The following FAM107A variants were observed in gnomAD, a reference collection of about 807,000 sequenced individuals.
FAM107A encodes the protein actin-associated protein FAM107A.
FAM107A carries 19 observed loss-of-function variants against 13.7 expected under a neutral mutation model. That is an observed-to-expected ratio of 1.38 (90% CI 0.97 to 2.03). The LOEUF is 2.03. FAM107A is among the 30% of genes most tolerant of loss of function. FAM107A has a pLI of 0.00. For synonymous variants in FAM107A, 82 were observed against 74.5 expected, an observed-to-expected ratio of 1.10 and a Z score of -0.52; for missense variants, 203 against 184.4, an observed-to-expected ratio of 1.10 and a Z score of -0.58.
At chr3:58,568,491 A>C (rs1321454014) in intron 2 of FAM107A, among the ~76,000 whole-genome samples, 1 of 152,004 alleles carries the variant, frequency 6.6e-6, no homozygotes, top group East Asian at 1.9e-4. Flanking sequence ...TTTTTTGTAT[A>C]TGTGAGTTTT....
At chr3:58,589,383 A>C, upstream of FAM107A, 1 of 689,474 alleles carries the variant, frequency 1.5e-6, no homozygotes. Flanking sequence ...GACTGGTCAG[A>C]GTCAAAGTCC....
At chr3:58,586,878 C>T in exon 1 of FAM107A, 1 of 1,533,286 alleles carries the variant, frequency 6.5e-7, no homozygotes, top group Non-Finnish European at 8.7e-7. Context: ...CAGCACAGCC[C>T]GGTAGAGCCC....
At position 58,567,880 on chromosome 3, in the gene FAM107A, A is replaced by G. The variant is rs2063638653; in HGVS notation, c.171-516T>C. Among the ~76,000 whole-genome samples the G allele has an allele frequency of 2.6e-5, 4 of 152,142 alleles. No homozygotes were observed. The South Asian group carries it at 8.3e-4, about 32-fold the overall frequency. On this transcript the variant is annotated intron_variant, in intron 2 of 3. Transcript: ENST00000360997. ...TTTGTTTCTTTATTAGTCACATGGAACAACATTTGATATGTTTACCAGCCA... is the reference window on the plus strand; with the variant it reads ...TTTGTTTCTTTATTAGTCACATGGAGCAACATTTGATATGTTTACCAGCCA...
intron 1 of FAM107A, among the ~76,000 whole-genome samples, chr3:58,575,565 C>A (rs976592534): frequency 6.6e-6 from 1 of 152,142 alleles, no homozygotes; most frequent in African/African-American, 2.4e-5. Context: ...GGACCTTGGA[C>A]GCCAAATTCA....
Position 58,566,657 on chromosome 3 carries a change from G to C in FAM107A, c.366C>G (p.Pro122=), listed in dbSNP as rs551598292. The part of the protein sequence containing the change: ...KPPEKEEDHA[P]EFIKVRENLR... Reference sequence around the variant, plus strand: ...GGTTTTCCCTGACTTTAATAAACTCGGGGGCGTGATCCTCTTCCTTCTCTG... The same window carrying C: ...GGTTTTCCCTGACTTTAATAAACTCCGGGGCGTGATCCTCTTCCTTCTCTG... Residue 122 remains proline (P), a synonymous_variant, in exon 4 of 4, where the codon CCC becomes CCG. Coordinates refer to ENST00000360997, the MANE Select transcript of FAM107A (RefSeq NM_001076778.3). 1 of 1,613,988 alleles carries C rather than the reference G, an allele frequency of 6.2e-7. No individual in the cohort carries two copies. Among genetic ancestry groups the C allele is most frequent in the African/African-American group, 1.3e-5 (1 of 75,020 alleles).
At chr3:58,625,813 A>G (rs936045592) in intron 1 of FAM107A, among the ~76,000 whole-genome samples, 7 of 152,232 alleles carry the variant, frequency 4.6e-5, no homozygotes, top group African/African-American at 1.4e-4. Context: ...CAACAATAGC[A>G]GTACCCTGCT....
At chr3:58,601,520 T>C (rs1019235763) in intron 1 of FAM107A, among the ~76,000 whole-genome samples, 1 of 152,224 alleles carries the variant, frequency 6.6e-6, no homozygotes, top group African/African-American at 2.4e-5. Flanking sequence ...AGGTCATTGG[T>C]AACTTATTTT....
intron 1 of FAM107A, among the ~76,000 whole-genome samples, chr3:58,626,077 G>T (rs34708080): frequency 4.6e-5 from 7 of 152,164 alleles, no homozygotes; most frequent in African/African-American, 7.2e-5. Flanking sequence ...CGCCACGGTA[G>T]GTGGGTGGTG....
chr3:58,566,902 G>C, intron 3 of FAM107A: 1 of 608,086 alleles, frequency 1.6e-6, no homozygotes, highest in African/African-American at 1.8e-5. Flanking sequence ...CACCCCCTCT[G>C]GGCCTCAGCT....
chr3:58,610,543 T>A (rs779437247), intron 1 of FAM107A, among the ~76,000 whole-genome samples: 1 of 152,220 alleles, frequency 6.6e-6, no homozygotes, highest in African/African-American at 2.4e-5. Flanking sequence ...CCCTCTTAAC[T>A]TCTCCATGCC....
upstream of FAM107A, among the ~76,000 whole-genome samples, chr3:58,587,921 A>G (rs1271899064): frequency 6.6e-6 from 1 of 152,214 alleles, no homozygotes; most frequent in Non-Finnish European, 1.5e-5. Flanking sequence ...AACATTGCAA[A>G]TAAGAAAAAA....
upstream of FAM107A, chr3:58,589,373 GA>G: frequency 1.3e-6 from 1 of 750,696 alleles, no homozygotes; most frequent in South Asian, 1.6e-5. Flanking sequence ...CCACTGAAGG[GA>G]CTGGTCAGAG....
chr3:58,579,849 G>A (rs538303493), upstream of FAM107A, among the ~76,000 whole-genome samples: 1 of 152,196 alleles, frequency 6.6e-6, no homozygotes, highest in Non-Finnish European at 1.5e-5. Context: ...GGGAGTCACT[G>A]TGCTTCTCCC....
intron 2 of FAM107A, among the ~76,000 whole-genome samples, chr3:58,568,198 G>T (rs1423418313): frequency 6.6e-6 from 1 of 152,050 alleles, no homozygotes; most frequent in African/African-American, 2.4e-5. Context: ...ACTTTGGGAG[G>T]CCGAGGAGGG....
chr3:58,598,758 C>T (rs557177290), intron 1 of FAM107A, among the ~76,000 whole-genome samples: 8 of 152,208 alleles, frequency 5.3e-5, no homozygotes, highest in Non-Finnish European at 8.8e-5. Context: ...TGAGTTTTGT[C>T]GTTTTTCTGC....
Position 58,567,344 on chromosome 3 carries a change from T to G in FAM107A, c.191A>C (p.Lys64Thr). 6.2e-7 allele frequency: 1 copy of G among 1,611,578 alleles called. No homozygotes were observed. The highest frequency in any genetic ancestry group is 8.5e-7 in the Non-Finnish European group (1 of 1,179,280). Residue 64 changes from lysine to threonine, a missense_variant, in exon 3 of 4, where the codon AAG becomes ACG. Physicochemically the swap from Lys to Thr is moderately conservative, Grantham distance 78. Coordinates refer to ENST00000360997, the MANE Select transcript of FAM107A (RefSeq NM_001076778.3). Reference sequence around the variant, plus strand: ...CTCTAGGACACGCTGCAGCTCTGGCTTGCTGTCCACACCAAGGCCCCTGGG... The same window carrying G: ...CTCTAGGACACGCTGCAGCTCTGGCGTGCTGTCCACACCAAGGCCCCTGGG... ...NHRRGLGVDSKPELQRVLEHR... is the reference protein window; with the variant it reads ...NHRRGLGVDSTPELQRVLEHR...
intron 1 of FAM107A, among the ~76,000 whole-genome samples, chr3:58,626,062 G>A (rs1293755207): frequency 6.6e-6 from 1 of 152,288 alleles, no homozygotes; most frequent in Non-Finnish European, 1.5e-5. Context: ...AGGGGTTCAG[G>A]TCATCGCCAC....
intron 1 of FAM107A, among the ~76,000 whole-genome samples, chr3:58,599,696 A>ATTTTGTTTT (rs2065736408): frequency 1.3e-5 from 1 of 78,570 alleles, no homozygotes; most frequent in Non-Finnish European, 2.7e-5. Flanking sequence ...CAAGTGCACC[A>ATTTTGTTTT]TTTTTTTTTT....
rs1483928686 is a variant in FAM107A at position 58,566,564 on chromosome 3, G to T, written c.*24C>A. The T allele has an allele frequency of 1.9e-6, 3 of 1,566,158 alleles. No individual in the cohort carries two copies. Among genetic ancestry groups the T allele is most frequent in the Non-Finnish European group, 2.6e-6 (3 of 1,137,516 alleles). ...GAGGCTGTCCAGGCCAGGGTGGGCA[G>T]TGGCCTGAGCCCGGCAGCTGGCCCT... is the stretch of plus-strand genomic sequence containing the variant. On this transcript the variant is annotated 3_prime_UTR_variant, in exon 4 of 4. Transcript: ENST00000360997.
Sources: gnomAD v4.1 joint callset for allele counts (sites outside exome capture counted in the v4.1 genomes callset) on GRCh38, gnomAD v4.1.1 for gene constraint, MANE v1.5 for transcripts, NCBI Gene and HGNC (gene_info 2026-07-23, HGNC 2026-07-21) for gene names.